VIT: variants seen among roughly 807,000 people sequenced by gnomAD.
The protein encoded by VIT is vitrin.
A neutral mutation model predicts 78.0 loss-of-function variants in VIT; 99 were observed. The ratio of observed to expected loss-of-function variants is 1.27; its 90% CI spans 1.08 to 1.50. The LOEUF (loss-of-function observed/expected upper bound fraction) is 1.50. Among genes scored for constraint, VIT ranks in the 40% most tolerant of loss-of-function variants. VIT has a pLI of 0.00. For synonymous variants in VIT, 374 were observed against 334.3 expected, an observed-to-expected ratio of 1.12 and a Z score of -1.29; for missense variants, 1,126 against 875.3, an observed-to-expected ratio of 1.29 and a Z score of -3.61.
intron 4 of VIT, among the ~76,000 whole-genome samples, chr2:36,745,747 T>C (rs1668097478): frequency 6.6e-6 from 1 of 152,052 alleles, no homozygotes; most frequent in Non-Finnish European, 1.5e-5. Flanking sequence ...GTCATATCAG[T>C]GAAGAGAGGG....
At chr2:36,711,530 A>T (rs1665797053) in intron 1 of VIT, among the ~76,000 whole-genome samples, 1 of 152,160 alleles carries the variant, frequency 6.6e-6, no homozygotes. Flanking sequence ...TGCAGACCTC[A>T]GTTCCCTTAT....
At position 36,814,224 on chromosome 2, in the gene VIT, G is replaced by C. The variant is rs747748359; in HGVS notation, c.1945G>C (p.Glu649Gln). Residue 649 changes from glutamate to glutamine, a missense_variant, in exon 16 of 16, where the codon GAG (glutamate) becomes CAG (glutamine). By Grantham distance (29) the Glu-to-Gln change is conservative. Coordinates refer to ENST00000379242, the MANE Select transcript of VIT (RefSeq NM_053276.4). ...GATAGGCGTTGCCTGGGCTGCCCAA[G>C]AGGAGCTAGAAGTCATTGCCACTCA... ...YAIGVAWAAQEELEVIATHPA... is the reference protein window; with the variant it reads ...YAIGVAWAAQQELEVIATHPA... 3 of 1,614,216 alleles carry C rather than the reference G, an allele frequency of 1.9e-6. No homozygotes were observed. The highest frequency in any genetic ancestry group is 2.2e-5 in the South Asian group (2 of 91,088).
intron 2 of VIT, among the ~76,000 whole-genome samples, chr2:36,725,611 GGT>G (rs1313866419): frequency 8.7e-5 from 8 of 92,280 alleles, no homozygotes; most frequent in African/African-American, 3.5e-4. Flanking sequence ...GTGGGGGGGG[GGT>G]GGGTAAACAA....
rs1413103404 is a variant in VIT, at chr2:36,814,240, T to C, written c.1961T>C (p.Ile654Thr). 4 of 1,614,234 alleles carry C rather than the reference T, an allele frequency of 2.5e-6. No individual in the cohort carries two copies. Among genetic ancestry groups the C allele is most frequent in the Non-Finnish European group, 3.4e-6 (4 of 1,180,042 alleles). The change falls in exon 16 of 16, where the codon ATT (isoleucine) becomes ACT (threonine). Residue 654 changes from isoleucine (I) to threonine (T), a missense_variant. Ile to Thr is a moderately conservative substitution (Grantham distance 89). Transcript: ENST00000379242. ...AWAAQEELEVIATHPARDHSF... is the reference protein window; with the variant it reads ...AWAAQEELEVTATHPARDHSF... ...GCTGCCCAAGAGGAGCTAGAAGTCATTGCCACTCACCCCGCCAGAGACCAC... is the reference window on the plus strand; with the variant it reads ...GCTGCCCAAGAGGAGCTAGAAGTCACTGCCACTCACCCCGCCAGAGACCAC...
At chr2:36,758,945 G>T (rs376844939) in intron 5 of VIT, 24 bp from the exon 6 acceptor site, 19 of 1,393,298 alleles carry the variant, frequency 1.4e-5, no homozygotes, top group Non-Finnish European at 1.9e-5. Flanking sequence ...AATAAATCTC[G>T]TTTTTTTTTT....
At chr2:36,736,513 C>G (rs1344134604) in intron 3 of VIT, among the ~76,000 whole-genome samples, 3 of 152,170 alleles carry the variant, frequency 2.0e-5, no homozygotes. Context: ...GCTTTTCACA[C>G]ATAATGAAGC....
chr2:36,783,286 G>C, intron 10 of VIT, 54 bp from the exon 11 acceptor site: 1 of 1,595,168 alleles, frequency 6.3e-7, no homozygotes, highest in Non-Finnish European at 8.6e-7. Context: ...CATGGGGTAA[G>C]GCCAGCTGCT....
intron 9 of VIT, among the ~76,000 whole-genome samples, chr2:36,777,230 G>A (rs907998266): frequency 3.6e-4 from 54 of 151,122 alleles, no homozygotes; most frequent in African/African-American, 9.4e-4. Context: ...GATATAACTC[G>A]TACAAACTAA....
chr2:36,805,405 T>A (rs1666639153), intron 13 of VIT, 33 bp from the exon 14 acceptor site: 9 of 1,549,346 alleles, frequency 5.8e-6, no homozygotes, highest in Non-Finnish European at 7.0e-6. Context: ...ATCAGCGTGA[T>A]CACTCCAAGC....
At chr2:36,699,906 A>G (rs1466597225) in intron 1 of VIT, among the ~76,000 whole-genome samples, 1 of 152,158 alleles carries the variant, frequency 6.6e-6, no homozygotes, top group Non-Finnish European at 1.5e-5. Context: ...AACTTTGGCA[A>G]GTTACTTAAA....
chr2:36,810,356 TAAAATATGAAAAATGAGC>T (rs1667068148), intron 15 of VIT, among the ~76,000 whole-genome samples: 1 of 152,220 alleles, frequency 6.6e-6, no homozygotes, highest in Non-Finnish European at 1.5e-5. Flanking sequence ...AACAAAATTT[TAAAATATGAAAAATGAGC>T]AAAATATGTC....
chr2:36,761,070 C>T (rs938195668), intron 6 of VIT, among the ~76,000 whole-genome samples: 1 of 152,142 alleles, frequency 6.6e-6, no homozygotes, highest in African/African-American at 2.4e-5. Context: ...TGGAAGAGCA[C>T]TTCTAGACTC....
intron 12 of VIT, among the ~76,000 whole-genome samples, chr2:36,797,840 C>G (rs1296860412): frequency 6.6e-6 from 1 of 152,148 alleles, no homozygotes; most frequent in Non-Finnish European, 1.5e-5. Context: ...AATGTTAATG[C>G]TGTTAATTGA....
chr2:36,745,700 C>A (rs1449959748), intron 4 of VIT, among the ~76,000 whole-genome samples: 1 of 152,056 alleles, frequency 6.6e-6, no homozygotes, highest in Non-Finnish European at 1.5e-5. Context: ...GCTCAAGGAG[C>A]CTTTTGGTGG....
chr2:36,729,322 C>T, intron 2 of VIT, 104 bp from the exon 3 acceptor site: 1 of 960,308 alleles, frequency 1.0e-6, no homozygotes, highest in Non-Finnish European at 1.5e-6. Flanking sequence ...ATTAGTTCTG[C>T]CATGGAGAAT....
intron 2 of VIT, among the ~76,000 whole-genome samples, chr2:36,725,900 C>T (rs1308668464): frequency 2.6e-5 from 4 of 151,924 alleles, no homozygotes; most frequent in African/African-American, 7.3e-5. Context: ...GGTGAAACCC[C>T]GTCTCTGGTA....
intron 13 of VIT, among the ~76,000 whole-genome samples, chr2:36,802,073 C>T (rs1358276761): frequency 6.6e-6 from 1 of 152,170 alleles, no homozygotes; most frequent in African/African-American, 2.4e-5. Context: ...GATGATTGTG[C>T]AAAGAGAAAC....
intron 11 of VIT, among the ~76,000 whole-genome samples, chr2:36,783,962 A>G (rs1241827963): frequency 6.6e-6 from 1 of 152,204 alleles, no homozygotes; most frequent in South Asian, 2.1e-4. Context: ...CAGGTCTGAC[A>G]TTCAGAAGGA....
intron 7 of VIT, among the ~76,000 whole-genome samples, chr2:36,771,883 C>G (rs1669781720): frequency 1.3e-5 from 2 of 152,160 alleles, no homozygotes; most frequent in Admixed American, 6.5e-5. Flanking sequence ...GCAGATCATT[C>G]AGTCAAAGAA....
Sources: gnomAD v4.1 joint callset for allele counts (sites outside exome capture counted in the v4.1 genomes callset) on GRCh38, gnomAD v4.1.1 for gene constraint, MANE v1.5 for transcripts, NCBI Gene and HGNC (gene_info 2026-07-23, HGNC 2026-07-21) for gene names.